The following SLC7A2 variants were observed in gnomAD, a reference collection of about 807,000 sequenced individuals.
SLC7A2 encodes the protein cationic amino acid transporter 2.
A neutral mutation model predicts 58.9 loss-of-function variants in SLC7A2; 48 were observed. That is an observed-to-expected ratio of 0.82 (90% CI 0.65 to 1.04). The LOEUF (loss-of-function observed/expected upper bound fraction) is 1.04, where lower values mean the gene tolerates loss of function less well. SLC7A2 is among the 50% of genes least tolerant of loss of function. The probability of loss-of-function intolerance (pLI) is 0.00; values close to 1 mark genes in which losing one functional copy is unlikely to be tolerated. For missense variants in SLC7A2, 1,029 were observed against 818.8 expected (o/e 1.26, Z -3.13); for synonymous variants, 363 against 314.5 (o/e 1.15, Z -1.63).
chr8:17,527,705 A>C (rs976519351), intron 2 of SLC7A2, among the ~76,000 whole-genome samples: 4 of 152,134 alleles, frequency 2.6e-5, no homozygotes, highest in Non-Finnish European at 4.4e-5. Context: ...ATCACATGGC[A>C]TTCTTCGTGT....
Position 17,554,424 on chromosome 8 carries a change from A to T in SLC7A2, c.1056-136A>T, listed in dbSNP as rs904038703. 6.1e-6 allele frequency: 4 copies of T among 660,858 alleles called. No homozygotes were observed. The African/African-American group carries it at 7.5e-5, about 12-fold the overall frequency. 40.9% of individuals were successfully genotyped at this position (660,858 alleles called of 1,614,324 possible). A position where few individuals can be genotyped will look rare whatever the true frequency, so the allele number is the denominator to read the frequency against. On this transcript the variant is annotated intron_variant, in intron 7 of 12. Coordinates refer to ENST00000494857, the MANE Select transcript of SLC7A2 (RefSeq NM_001370338.1). ...CATAGTGCATTTAAAAAATAATGAC[A>T]TAATTATTAATATAAATAATATGAC...
Position 17,566,471 on chromosome 8 carries a change from G to A in SLC7A2, c.*1325G>A, listed in dbSNP as rs1366434605. On this transcript the variant is annotated 3_prime_UTR_variant, in exon 13 of 13. Transcript: ENST00000494857. ...TTTCTCCCCCTACCCCATAAATTGT[G>A]TAGCACTTTTTATTCCATTTGCTTT... 3 of 152,144 alleles carry A rather than the reference G, an allele frequency of 2.0e-5. No homozygotes were observed. Among genetic ancestry groups the A allele is most frequent in the South Asian group, 2.1e-4 (1 of 4,828 alleles). The allele number at this position is 152,144 out of a possible 1,614,324, so 9.4% of individuals were successfully genotyped here.
Position 17,565,295 on chromosome 8 carries a change from C to CTGAGGAGATGCTG in SLC7A2, c.*150_*151insGAGGAGATGCTGT. 1 of 633,240 alleles carries CTGAGGAGATGCTG rather than the reference C, an allele frequency of 1.6e-6. No individual in the cohort carries two copies. The highest frequency in any genetic ancestry group is 2.7e-6 in the Non-Finnish European group (1 of 371,734). The allele number at this position is 633,240 out of a possible 1,614,324, so 39.2% of individuals were successfully genotyped here. The stretch of plus-strand genomic sequence containing the variant: ...TTATACTTACTCATCTGGACAGCAT[C>CTGAGGAGATGCTG]TCCTCAGATGGTGAATTATGTGCAC... On this transcript the variant is annotated 3_prime_UTR_variant, in exon 13 of 13. Transcript: ENST00000494857.
chr8:17,529,165 A>G (rs1473517051), intron 2 of SLC7A2, among the ~76,000 whole-genome samples: 2 of 152,222 alleles, frequency 1.3e-5, no homozygotes, highest in Non-Finnish European at 2.9e-5. Flanking sequence ...TTGCAGACTT[A>G]TTTAGACACT....
At chr8:17,505,581 A>G (rs143468459) in intron 2 of SLC7A2, among the ~76,000 whole-genome samples, 111 of 152,324 alleles carry the variant, frequency 7.3e-4, no homozygotes, top group African/African-American at 2.6e-3. Flanking sequence ...TTAGACTCGT[A>G]GATTTCAATG....
At chr8:17,552,487 G>C (rs1297869936) in intron 7 of SLC7A2, among the ~76,000 whole-genome samples, 1 of 152,100 alleles carries the variant, frequency 6.6e-6, no homozygotes, top group Non-Finnish European at 1.5e-5. Context: ...GCTTTTTATT[G>C]TGAAACATGG....
At chr8:17,510,151 C>T (rs771340656) in intron 2 of SLC7A2, among the ~76,000 whole-genome samples, 1 of 151,934 alleles carries the variant, frequency 6.6e-6, no homozygotes, top group African/African-American at 2.4e-5. Flanking sequence ...ACCTGGGAGG[C>T]AGAGGTTGCA....
chr8:17,560,147 G>C (rs533794763), intron 9 of SLC7A2, among the ~76,000 whole-genome samples, 181 bp from the exon 10 acceptor site: 2 of 152,170 alleles, frequency 1.3e-5, no homozygotes, highest in Non-Finnish European at 2.9e-5. Context: ...TTTTGCTGCA[G>C]TTGTTTTATC....
rs550747058 is a variant in SLC7A2, at chr8:17,529,422, A to G, written c.-22-13896A>G. 2.6e-5 allele frequency among the ~76,000 whole-genome samples: 4 copies of G among 152,222 alleles called. No individual in the cohort carries two copies. The East Asian group carries it at 5.8e-4, about 22-fold the overall frequency. On this transcript the variant is annotated intron_variant, in intron 2 of 12. Transcript: ENST00000494857. The stretch of plus-strand genomic sequence containing the variant: ...TATAGCAGTTTTCCCTTCATTGGGG[A>G]TGGGGGAGCAAGAGGACACATTGTA...
At chr8:17,560,247 T>G (rs2301540) in intron 9 of SLC7A2, 81 bp from the exon 10 acceptor site, 41,003 of 977,992 alleles carry the variant, frequency 0.042, 1,466 homozygotes, top group East Asian at 0.15. Context: ...TATGATGTCT[T>G]ACTTAAGGTT....
chr8:17,522,819 T>G lies in SLC7A2; in HGVS notation c.-22-20499T>G, dbSNP rs186723498. Among the ~76,000 whole-genome samples the G allele has an allele frequency of 2.4e-3, 365 of 152,220 alleles. 3 individuals carry two copies. The Middle Eastern group carries it at 0.031, about 13-fold the overall frequency. On this transcript the variant is annotated intron_variant, in intron 2 of 12. Transcript: ENST00000494857. The stretch of plus-strand genomic sequence containing the variant: ...GGGAAGCTGAGATATGAGGATCGCT[T>G]GAGCCCAGGAGTTTGGGACCAGCCT...
chr8:17,509,745 A>G (rs1800524934), intron 2 of SLC7A2, among the ~76,000 whole-genome samples: 1 of 152,192 alleles, frequency 6.6e-6, no homozygotes, highest in Non-Finnish European at 1.5e-5. Context: ...TCCAGTGTTC[A>G]TTTCACTAAA....
intron 6 of SLC7A2, 52 bp downstream of exon 6, chr8:17,550,486 G>A (rs759738776): frequency 4.9e-5 from 77 of 1,559,000 alleles, no homozygotes; most frequent in Admixed American, 1.5e-4. Context: ...TGTTGTGCAC[G>A]AGTACCCGTG....
Position 17,558,302 on chromosome 8 carries a change from G to T in SLC7A2, c.1203G>T (p.Met401Ile). ...TLSSGAVAAL[M>I]AFLFDLKALV... ...CTTTTCTTCTCCCCCTAGCTTTGAT[G>T]GCCTTTCTGTTTGACCTGAAGGCGC... The change falls in exon 9 of 13, where the codon ATG (methionine) becomes ATT (isoleucine). Residue 401 changes from methionine (M) to isoleucine (I), a missense_variant. Transcript: ENST00000494857. 6.2e-7 allele frequency: 1 copy of T among 1,609,932 alleles called. No homozygotes were observed. Among genetic ancestry groups the T allele is most frequent in the Non-Finnish European group, 8.5e-7 (1 of 1,176,646 alleles).
rs1585238400 is a variant in SLC7A2, at chr8:17,543,201, CACACACACACACACAA to C, written c.-22-101_-22-86del. ...TTCTAACAAGTGAAACACACACACA[CACACACACACACACAA>C]ACACACACACACACATACTCTAATT... On this transcript the variant is annotated intron_variant, in intron 2 of 12. Transcript: ENST00000494857. 16 of 915,756 alleles carry C rather than the reference CACACACACACACACAA, an allele frequency of 1.7e-5. No homozygotes were observed. The East Asian group carries it at 3.0e-4, about 17-fold the overall frequency. 56.7% of individuals were successfully genotyped at this position (915,756 alleles called of 1,614,324 possible).
At chr8:17,532,241 A>C (rs1254767052) in intron 2 of SLC7A2, among the ~76,000 whole-genome samples, 9 of 110,648 alleles carry the variant, frequency 8.1e-5, no homozygotes, top group South Asian at 2.9e-4. Flanking sequence ...AAAAAAAAAA[A>C]AAAAAAAAAA....
Position 17,523,147 on chromosome 8 carries a change from A to C in SLC7A2, c.-22-20171A>C, listed in dbSNP as rs915263714. Among the ~76,000 whole-genome samples, 3 of 152,324 alleles carry C rather than the reference A, an allele frequency of 2.0e-5. No homozygotes were observed. The East Asian group carries it at 5.8e-4, about 29-fold the overall frequency. On this transcript the variant is annotated intron_variant, in intron 2 of 12. Transcript: ENST00000494857. ...GTTCTGCACATGTATCCTGGAACAT[A>C]AATTTAAAAAAAAGGAGGGAGAAAA...
upstream of SLC7A2, among the ~76,000 whole-genome samples, chr8:17,496,827 G>C (rs1799969528): frequency 6.6e-6 from 1 of 152,062 alleles, no homozygotes; most frequent in Non-Finnish European, 1.5e-5. Context: ...GTTTATCCTC[G>C]CGCGCAGCCT....
rs187558950 is a variant in SLC7A2, at chr8:17,523,105, A to G, written c.-22-20213A>G. 5.3e-5 allele frequency among the ~76,000 whole-genome samples: 8 copies of G among 152,300 alleles called. No individual in the cohort carries two copies. In the East Asian group the frequency reaches 1.3e-3, roughly 26 times the overall value. On this transcript the variant is annotated intron_variant, in intron 2 of 12. Transcript: ENST00000494857. The stretch of plus-strand genomic sequence containing the variant: ...AAACCACTGTGGCACATGTATACCC[A>G]TGTAACAAACCTGCATGTTCTGCAC...
Sources: gnomAD v4.1 joint callset for allele counts (sites outside exome capture counted in the v4.1 genomes callset) on GRCh38, gnomAD v4.1.1 for gene constraint, MANE v1.5 for transcripts, NCBI Gene and HGNC (gene_info 2026-07-23, HGNC 2026-07-21) for gene names.